The following LINGO2 variants were observed in gnomAD, a reference collection of about 807,000 sequenced individuals.
LINGO2 encodes leucine rich repeat and Ig domain containing 2.
LINGO2 carries 14 observed loss-of-function variants against 30.6 expected under a neutral mutation model. The ratio of observed to expected loss-of-function variants is 0.46; its 90% CI spans 0.30 to 0.72. LINGO2 has a LOEUF of 0.72. Ranked by LOEUF, LINGO2 falls within the 30% of genes least tolerant of loss-of-function variation. The pLI is 0.07. For synonymous variants in LINGO2, 317 were observed against 288.5 expected, an observed-to-expected ratio of 1.10 and a Z score of -1.00; for missense variants, 729 against 751.7, an observed-to-expected ratio of 0.97 and a Z score of 0.35.
At chr9:28,914,077 T>C in the LINGO2 span, among the ~76,000 whole-genome samples, 2 of 152,136 alleles carry the variant, frequency 1.3e-5, no homozygotes, top group African/African-American at 2.4e-5. Flanking sequence ...TTTCCTGTGA[T>C]AAAGCATACA....
At chr9:27,977,992 G>A (rs1361374677) in intron 5 of LINGO2, among the ~76,000 whole-genome samples, 1 of 151,944 alleles carries the variant, frequency 6.6e-6, no homozygotes, top group Admixed American at 6.6e-5. Flanking sequence ...ATCATTTTTG[G>A]TGTAGCTGAG....
the LINGO2 span, among the ~76,000 whole-genome samples, chr9:28,712,464 A>G: frequency 6.6e-6 from 1 of 151,260 alleles, no homozygotes; most frequent in Non-Finnish European, 1.5e-5. Context: ...TCTCAGACTG[A>G]TTAAGTAGCT....
chr9:28,439,089 A>G (rs1447596219), intron 2 of LINGO2, among the ~76,000 whole-genome samples: 1 of 148,020 alleles, frequency 6.8e-6, no homozygotes, highest in Non-Finnish European at 1.5e-5. Context: ...GATAATAGCT[A>G]TACATTATAT....
At chr9:28,941,711 T>G in the LINGO2 span, among the ~76,000 whole-genome samples, 2 of 152,132 alleles carry the variant, frequency 1.3e-5, no homozygotes, top group Admixed American at 1.3e-4. Flanking sequence ...CAAAAACAAA[T>G]TTTTGTGTGT....
the LINGO2 span, among the ~76,000 whole-genome samples, chr9:28,816,330 C>T: frequency 1.3e-5 from 2 of 152,134 alleles, no homozygotes; most frequent in Non-Finnish European, 2.9e-5. Context: ...GGGGCAGCAG[C>T]CTGAATCAGC....
intron 4 of LINGO2, among the ~76,000 whole-genome samples, chr9:28,285,595 C>T (rs924463495): frequency 4.0e-5 from 6 of 151,604 alleles, no homozygotes; most frequent in South Asian, 2.1e-4. Context: ...TTAGTAGAGA[C>T]GGGGTTTCAC....
intron 4 of LINGO2, among the ~76,000 whole-genome samples, chr9:28,014,008 T>G (rs1822692026): frequency 1.3e-5 from 2 of 152,204 alleles, no homozygotes; most frequent in African/African-American, 4.8e-5. Flanking sequence ...ATTTTTGCAG[T>G]GAAGTTCTTC....
intron 4 of LINGO2, among the ~76,000 whole-genome samples, chr9:28,033,758 G>A (rs1354770409): frequency 6.6e-6 from 1 of 152,134 alleles, no homozygotes; most frequent in Admixed American, 6.5e-5. Context: ...AGTATAACCA[G>A]GATAATCTGC....
chr9:28,637,411 A>C (rs529505189), intron 1 of LINGO2, among the ~76,000 whole-genome samples: 15 of 152,044 alleles, frequency 9.9e-5, no homozygotes, highest in Admixed American at 8.5e-4. Flanking sequence ...TTACCTTGGG[A>C]AGTATGGCCA....
intron 2 of LINGO2, among the ~76,000 whole-genome samples, chr9:28,425,822 CCAAAATGGG>C (rs1823387225): frequency 6.6e-6 from 1 of 151,934 alleles, no homozygotes; most frequent in East Asian, 1.9e-4. Context: ...TCCAGAGAAG[CCAAAATGGG>C]AACTCTCTCA....
At chr9:28,438,299 G>T (rs757167447) in intron 2 of LINGO2, among the ~76,000 whole-genome samples, 1 of 152,144 alleles carries the variant, frequency 6.6e-6, no homozygotes, top group African/African-American at 2.4e-5. Flanking sequence ...ATTTAAATCA[G>T]CAGATCTAGT....
At chr9:28,219,387 G>A (rs1587252522) in intron 4 of LINGO2, among the ~76,000 whole-genome samples, 1 of 152,244 alleles carries the variant, frequency 6.6e-6, no homozygotes, top group East Asian at 1.9e-4. Flanking sequence ...TGATGGATAT[G>A]CTTGCCTTAT....
chr9:28,099,380 T>G (rs948379984), intron 4 of LINGO2, among the ~76,000 whole-genome samples: 5 of 152,204 alleles, frequency 3.3e-5, no homozygotes. Flanking sequence ...GTTTTTTGTT[T>G]TGTTTTCTTA....
intron 3 of LINGO2, among the ~76,000 whole-genome samples, chr9:28,347,050 A>G (rs1023834663): frequency 1.3e-5 from 2 of 152,106 alleles, no homozygotes; most frequent in Non-Finnish European, 2.9e-5. Context: ...CCATTTGTCA[A>G]TTTTTGAAAA....
Position 28,226,048 on chromosome 9 carries a change from A to G in LINGO2, c.-87+69160T>C, listed in dbSNP as rs147607891. Among the ~76,000 whole-genome samples, 298 of 152,294 alleles carry G rather than the reference A, an allele frequency of 2.0e-3. 3 individuals are homozygous for G. Among genetic ancestry groups the G allele is most frequent in the Non-Finnish European group, 4.0e-4 (27 of 68,000 alleles). ...AACACCAGAAGTTCCTCCAAAATTTAAAAGCATAAACCTATTAAATCTTAA... is the reference window on the plus strand; with the variant it reads ...AACACCAGAAGTTCCTCCAAAATTTGAAAGCATAAACCTATTAAATCTTAA... On this transcript the variant is annotated intron_variant, in intron 4 of 5. Coordinates refer to ENST00000379992, the Ensembl canonical transcript of LINGO2.
chr9:28,833,639 T>C, the LINGO2 span, among the ~76,000 whole-genome samples: 1 of 152,164 alleles, frequency 6.6e-6, no homozygotes, highest in African/African-American at 2.4e-5. Flanking sequence ...TCATAAAATA[T>C]ATGGGAGAGG....
the LINGO2 span, among the ~76,000 whole-genome samples, chr9:28,869,097 T>G: frequency 6.6e-5 from 10 of 152,108 alleles, no homozygotes; most frequent in Admixed American, 1.3e-4. Context: ...GTTAGAACAC[T>G]GAATTCAAAT....
rs535973389 is a variant in LINGO2 at position 28,301,781 on chromosome 9, T to A, written c.-245-6415A>T. 2.0e-5 allele frequency among the ~76,000 whole-genome samples: 3 copies of A among 152,114 alleles called. No individual in the cohort carries two copies. In the South Asian group the frequency reaches 6.2e-4, roughly 32 times the overall value. ...ATCCCTAAAATACATAATCATCAGGTTTTCCAAGGTCTAAATGAAATACAG... is the reference window on the plus strand; with the variant it reads ...ATCCCTAAAATACATAATCATCAGGATTTCCAAGGTCTAAATGAAATACAG... On this transcript the variant is annotated intron_variant, in intron 3 of 5. Transcript: ENST00000379992.
chr9:28,686,472 C>T, the LINGO2 span, among the ~76,000 whole-genome samples: 1 of 151,924 alleles, frequency 6.6e-6, no homozygotes, highest in Non-Finnish European at 1.5e-5. Context: ...AAATGTTTGA[C>T]TGAAGCACCA....
Sources: gnomAD v4.1 joint callset for allele counts (sites outside exome capture counted in the v4.1 genomes callset) on GRCh38, gnomAD v4.1.1 for gene constraint, MANE v1.5 for transcripts, NCBI Gene and HGNC (gene_info 2026-07-23, HGNC 2026-07-21) for gene names.